BNC2: variants seen among roughly 807,000 people sequenced by gnomAD.
The protein encoded by BNC2 is basonuclin zinc finger protein 2.
Under a neutral mutation model 76.3 loss-of-function variants are expected in BNC2, and 20 were observed. That is an observed-to-expected ratio of 0.26 (90% CI 0.18 to 0.38). The LOEUF (loss-of-function observed/expected upper bound fraction) is 0.38, where lower values mean the gene tolerates loss of function less well. Ranked by LOEUF, BNC2 falls within the 10% of genes least tolerant of loss-of-function variation. BNC2 has a pLI of 1.00. For synonymous variants in BNC2, 582 were observed against 514.8 expected (o/e 1.13, Z -1.77); for missense variants, 1,382 against 1,399.8 (o/e 0.99, Z 0.20).
chr9:16,738,654 A>C (rs535575073), intron 1 of BNC2, among the ~76,000 whole-genome samples, 169 bp from the exon 2 acceptor site: 1 of 152,374 alleles, frequency 6.6e-6, no homozygotes, highest in East Asian at 1.9e-4. Flanking sequence ...ACAGCTAAAT[A>C]AACTTTGGTG....
At chr9:16,636,453 C>T (rs910866413) in intron 3 of BNC2, among the ~76,000 whole-genome samples, 9 of 152,092 alleles carry the variant, frequency 5.9e-5, no homozygotes, top group Non-Finnish European at 1.2e-4. Context: ...TAAGAGCAGG[C>T]AACCACACCC....
chr9:16,868,537 A>T (rs1013115443), intron 1 of BNC2, among the ~76,000 whole-genome samples: 2 of 152,222 alleles, frequency 1.3e-5, no homozygotes, highest in Non-Finnish European at 2.9e-5. Flanking sequence ...TTACATGCAA[A>T]CACCACCCAA....
Position 16,663,130 on chromosome 9 carries a change from C to CTTTTTTTT in BNC2, c.330+64659_330+64666dup, listed in dbSNP as rs71325979. ...CCATAGGCACTCCACTCTGTTTACT[C>CTTTTTTTT]TTTTTTTTTTTTTTTTGGAGACGGA... is the stretch of plus-strand genomic sequence containing the variant. On this transcript the variant is annotated intron_variant, in intron 3 of 6. Coordinates refer to ENST00000380672, the MANE Select transcript of BNC2 (RefSeq NM_017637.6). Among the ~76,000 whole-genome samples the CTTTTTTTT allele has an allele frequency of 9.0e-5, 9 of 99,614 alleles. 2 individuals carry two copies. Among genetic ancestry groups the CTTTTTTTT allele is most frequent in the Non-Finnish European group, 1.5e-4 (7 of 47,332 alleles). 65.4% of individuals were successfully genotyped at this position (99,614 alleles called of 152,430 possible).
Position 16,608,647 on chromosome 9 carries a change from A to G in BNC2, c.331-25562T>C, listed in dbSNP as rs76287599. On this transcript the variant is annotated intron_variant, in intron 3 of 6. Transcript: ENST00000380672. ...CAGCCTCCCAAGTACCTGGGACCAC[A>G]GGTGCACACTGTACATTTCCAAAAT... 9.9e-5 allele frequency among the ~76,000 whole-genome samples: 15 copies of G among 152,242 alleles called. No homozygotes were observed. In the East Asian group the frequency reaches 2.7e-3, roughly 27 times the overall value.
intron 1 of BNC2, among the ~76,000 whole-genome samples, chr9:16,769,276 G>A (rs1435787599): frequency 6.6e-6 from 1 of 152,132 alleles, no homozygotes; most frequent in Non-Finnish European, 1.5e-5. Flanking sequence ...ACGTCTGTTC[G>A]TGTCACTGCT....
chr9:16,626,556 AC>A, intron 3 of BNC2, among the ~76,000 whole-genome samples: 1 of 152,260 alleles, frequency 6.6e-6, no homozygotes, highest in African/African-American at 2.4e-5. Context: ...ATAAACAACA[AC>A]AAAGACAGAG....
intron 1 of BNC2, among the ~76,000 whole-genome samples, chr9:16,762,563 A>G (rs1272829803): frequency 1.3e-5 from 2 of 152,332 alleles, no homozygotes; most frequent in Non-Finnish European, 2.9e-5. Context: ...AGCAGTTCCC[A>G]GGAAATAACA....
intron 1 of BNC2, among the ~76,000 whole-genome samples, chr9:16,791,128 C>G (rs1465968945): frequency 1.3e-5 from 2 of 151,866 alleles, no homozygotes; most frequent in South Asian, 2.1e-4. Flanking sequence ...GTGGCATGAT[C>G]TCGGCTCACT....
intron 3 of BNC2, among the ~76,000 whole-genome samples, chr9:16,692,107 G>A (rs538327572): frequency 3.3e-5 from 5 of 152,086 alleles, no homozygotes; most frequent in South Asian, 4.1e-4. Flanking sequence ...CACTGCACCC[G>A]GCGGGTTCTT....
intron 3 of BNC2, among the ~76,000 whole-genome samples, chr9:16,599,510 G>A (rs140322221): frequency 5.3e-4 from 80 of 152,306 alleles, no homozygotes; most frequent in African/African-American, 1.6e-3. Context: ...GAGGCCAGGC[G>A]CAGTGGCTCA....
intron 3 of BNC2, among the ~76,000 whole-genome samples, chr9:16,700,516 C>A (rs10756782): frequency 0.56 from 84,376 of 152,008 alleles, 29,259 homozygotes; most frequent in Non-Finnish European, 0.79. Flanking sequence ...GTCTGTGCTG[C>A]GCAAGCTGGA....
intron 1 of BNC2, among the ~76,000 whole-genome samples, chr9:16,783,866 T>C (rs992496386): frequency 6.6e-6 from 1 of 152,194 alleles, no homozygotes; most frequent in Non-Finnish European, 1.5e-5. Flanking sequence ...AAAACTGTAT[T>C]GGTAAATTTT....
intron 6 of BNC2, among the ~76,000 whole-genome samples, chr9:16,428,213 T>C (rs1820837038): frequency 6.6e-6 from 1 of 152,178 alleles, no homozygotes; most frequent in Admixed American, 6.5e-5. Context: ...CTGAGCCAAT[T>C]GCTTTAGAAG....
rs1818502876 is a variant in BNC2, at chr9:16,828,503, C to T, written c.3+42143G>A. Among the ~76,000 whole-genome samples, 4 of 152,280 alleles carry T rather than the reference C, an allele frequency of 2.6e-5. No individual in the cohort carries two copies. In the South Asian group the frequency reaches 6.2e-4, roughly 24 times the overall value. ...GCCAAGAATACGTTCTGAAGCTTAACTCTCAGGAGCAAACATTTTCTACTT... is the reference window on the plus strand; with the variant it reads ...GCCAAGAATACGTTCTGAAGCTTAATTCTCAGGAGCAAACATTTTCTACTT... On this transcript the variant is annotated intron_variant, in intron 1 of 6. Transcript: ENST00000380672.
At chr9:16,626,030 T>C (rs1199928398) in intron 3 of BNC2, 3 of 152,204 alleles carry the variant, frequency 2.0e-5, no homozygotes, top group South Asian at 4.1e-4. Context: ...CATCTTCTAA[T>C]GGATGAGGAG....
intron 1 of BNC2, among the ~76,000 whole-genome samples, chr9:16,862,765 C>A (rs2136216004): frequency 6.6e-6 from 1 of 152,206 alleles, no homozygotes; most frequent in South Asian, 2.1e-4. Flanking sequence ...TCCCTCTTTT[C>A]TCTTCTACTA....
At chr9:16,655,762 G>T (rs1326447000) in intron 3 of BNC2, among the ~76,000 whole-genome samples, 1 of 152,034 alleles carries the variant, frequency 6.6e-6, no homozygotes, top group Non-Finnish European at 1.5e-5. Context: ...GTTCCAAATG[G>T]CAAAATTCTC....
chr9:16,440,502 T>A (rs947903302), intron 5 of BNC2, among the ~76,000 whole-genome samples: 44 of 152,182 alleles, frequency 2.9e-4, no homozygotes, highest in African/African-American at 9.2e-4. Context: ...TACAGTCATA[T>A]CTTCCCCAGG....
At chr9:16,739,213 A>G (rs1196002735) in intron 1 of BNC2, among the ~76,000 whole-genome samples, 1 of 152,206 alleles carries the variant, frequency 6.6e-6, no homozygotes, top group African/African-American at 2.4e-5. Context: ...TCCACTACAA[A>G]GAGTTGCTAT....
Sources: allele counts gnomAD v4.1 joint callset (sites outside exome capture counted in the v4.1 genomes callset), GRCh38; gene constraint gnomAD v4.1.1; transcripts MANE v1.5; gene names NCBI Gene and HGNC (gene_info 2026-07-23, HGNC 2026-07-21).